Variants in CYP46A1 observed in about 807,000 individuals in gnomAD.
CYP46A1 encodes the protein cholesterol 24-hydroxylase.
Under a neutral mutation model 63.3 loss-of-function variants are expected in CYP46A1, and 20 were observed. That is an observed-to-expected ratio of 0.32 (90% CI 0.22 to 0.46). The LOEUF (loss-of-function observed/expected upper bound fraction) is 0.46. Ranked by LOEUF, CYP46A1 falls within the 20% of genes least tolerant of loss-of-function variation. The pLI, the probability that CYP46A1 is intolerant of heterozygous loss-of-function variation, is 1.00. For missense variants in CYP46A1, 445 were observed against 670.8 expected (o/e 0.66, Z 3.72); for synonymous variants, 268 against 273.6 (o/e 0.98, Z 0.20).
intron 12 of CYP46A1, among the ~76,000 whole-genome samples, chr14:99,723,886 T>C (rs924521210): frequency 1.3e-5 from 2 of 152,182 alleles, no homozygotes; most frequent in Non-Finnish European, 2.9e-5. Context: ...GACCTTTCTG[T>C]ATTGACTTGC....
At chr14:99,684,605 C>A in intron 1 of CYP46A1, 69 bp downstream of exon 1, 1 of 1,340,286 alleles carries the variant, frequency 7.5e-7, no homozygotes, top group Non-Finnish European at 1.0e-6. Context: ...GCGTCTAAGC[C>A]GGCGTCCAGG....
In CYP46A1 at chr14:99,721,414, C is replaced by T. The variant is rs2056845392; in HGVS notation, c.1065+91C>T. 3 of 940,254 alleles carry T rather than the reference C, an allele frequency of 3.2e-6. No individual in the cohort carries two copies. In the South Asian group the frequency reaches 4.1e-5, roughly 13 times the overall value. The allele number at this position is 940,254 out of a possible 1,614,324, so 58.2% of individuals were successfully genotyped here. ...CCCTGGACCTTTCAGGACAGTGGTT[C>T]TCAAACTTTGCTGCATAGGGTCCTC... On this transcript the variant is annotated intron_variant, in intron 11 of 14. Transcript: ENST00000261835.
Position 99,726,266 on chromosome 14 carries a change from G to T in CYP46A1, c.1332+10G>T. The stretch of plus-strand genomic sequence containing the variant: ...GCAGCAGTTTGCTCAGGTAGGAGGG[G>T]CAGGGCTGTGGTTCTGCCCAGGAGT... On this transcript the variant is annotated intron_variant, in intron 14 of 14. Coordinates refer to ENST00000261835, the MANE Select transcript of CYP46A1 (RefSeq NM_006668.2). The T allele has an allele frequency of 1.2e-6, 2 of 1,612,620 alleles. No homozygotes were observed. The highest frequency in any genetic ancestry group is 1.7e-6 in the Non-Finnish European group (2 of 1,179,728).
At chr14:99,706,616 G>A (rs1308086405) in intron 5 of CYP46A1, 31 bp from the exon 6 acceptor site, 1 of 1,611,966 alleles carries the variant, frequency 6.2e-7, no homozygotes. Flanking sequence ...GGGCTGGCCA[G>A]TGGCCGTTGA....
In CYP46A1 at chr14:99,726,210, C is replaced by T; in HGVS notation, c.1286C>T (p.Pro429Leu). 6.2e-7 allele frequency: 1 copy of T among 1,614,026 alleles called. No homozygotes were observed. Among genetic ancestry groups the T allele is most frequent in the Non-Finnish European group, 8.5e-7 (1 of 1,179,992 alleles). Residue 429 changes from proline to leucine, a missense_variant, in exon 14 of 15, where the codon CCC (proline) becomes CTC (leucine). Around this residue, in one of 4 missense-constraint regions of CYP46A1, gnomAD observed 95 missense variants for 156.9 expected, o/e 0.61. Transcript: ENST00000261835. ...GAPKPRFTYFPFSLGHRSCIG... is the reference protein window; with the variant it reads ...GAPKPRFTYFLFSLGHRSCIG... Reference sequence around the variant, plus strand: ...TGCAGGCCACGGTTCACCTACTTCCCCTTCTCCCTGGGCCACCGCTCCTGC... The same window carrying T: ...TGCAGGCCACGGTTCACCTACTTCCTCTTCTCCCTGGGCCACCGCTCCTGC...
chr14:99,686,102 T>C (rs746260617), intron 1 of CYP46A1, among the ~76,000 whole-genome samples: 4 of 152,192 alleles, frequency 2.6e-5, no homozygotes, highest in Non-Finnish European at 5.9e-5. Flanking sequence ...AGCAGCACAT[T>C]GTACATGCAT....
At chr14:99,711,066 C>T (rs575323133) in intron 7 of CYP46A1, 1 of 151,778 alleles carries the variant, frequency 6.6e-6, no homozygotes, top group Non-Finnish European at 1.5e-5. Context: ...ACCACTGGGT[C>T]AATGAAGAAA....
chr14:99,691,958 A>G (rs1595184829), intron 3 of CYP46A1, 97 bp downstream of exon 3: 1 of 1,258,712 alleles, frequency 7.9e-7, no homozygotes, highest in East Asian at 2.3e-5. Flanking sequence ...AATGTTCCAG[A>G]GCCAGGCGCA....
chr14:99,722,128 T>C lies in CYP46A1; in HGVS notation c.1176+62T>C, dbSNP rs2056853417. ...GCTGCTTGCCCCAATGGTGGTGAAT[T>C]TGGGACTCACCAGGGGAGCCTGTGG... is the stretch of plus-strand genomic sequence containing the variant. On this transcript the variant is annotated intron_variant, in intron 12 of 14. Coordinates refer to ENST00000261835, the MANE Select transcript of CYP46A1 (RefSeq NM_006668.2). The surrounding 1 kb of genome is among the most constrained non-coding windows in gnomAD (Gnocchi z 4.6). The C allele has an allele frequency of 1.0e-5, 13 of 1,296,788 alleles. No individual in the cohort carries two copies. Among genetic ancestry groups the C allele is most frequent in the Non-Finnish European group, 1.3e-5 (12 of 909,994 alleles). 80.3% of individuals were successfully genotyped at this position (1,296,788 alleles called of 1,614,324 possible).
intron 13 of CYP46A1, 26 bp from the exon 14 acceptor site, chr14:99,726,164 C>T (rs1211181619): frequency 6.2e-7 from 1 of 1,609,532 alleles, no homozygotes; most frequent in African/African-American, 1.3e-5. Flanking sequence ...GGCTGCTGGC[C>T]TCGTGATTCC....
At chr14:99,717,313 G>A (rs2056799279) in intron 9 of CYP46A1, among the ~76,000 whole-genome samples, 1 of 152,122 alleles carries the variant, frequency 6.6e-6, no homozygotes, top group South Asian at 2.1e-4. Context: ...TGGGGGACTG[G>A]CCGAGGGCAC....
chr14:99,721,761 CCTT>C (rs1288292346), intron 11 of CYP46A1, among the ~76,000 whole-genome samples, 192 bp from the exon 12 acceptor site: 1 of 152,104 alleles, frequency 6.6e-6, no homozygotes, highest in African/African-American at 2.4e-5. Flanking sequence ...ACTCCCTTCT[CCTT>C]CTGGACCTCA....
intron 5 of CYP46A1, 106 bp downstream of exon 5, chr14:99,700,207 C>T: frequency 1.4e-6 from 1 of 720,374 alleles, no homozygotes; most frequent in Non-Finnish European, 2.2e-6. Flanking sequence ...AAGGGGGCCT[C>T]CCTCAGCTGA....
intron 9 of CYP46A1, among the ~76,000 whole-genome samples, chr14:99,716,461 C>T (rs2056791542): frequency 6.6e-6 from 1 of 152,226 alleles, no homozygotes. Flanking sequence ...TGAATGCAGG[C>T]ATCCCCTCAC....
intron 9 of CYP46A1, chr14:99,717,595 G>C (rs912804028): frequency 1.9e-5 from 3 of 156,138 alleles, no homozygotes; most frequent in African/African-American, 7.2e-5. Context: ...GGCTCCTTTA[G>C]AGTAAACTCA....
intron 3 of CYP46A1, among the ~76,000 whole-genome samples, chr14:99,697,306 C>T (rs1272108617): frequency 5.3e-5 from 8 of 151,428 alleles, no homozygotes; most frequent in Admixed American, 3.9e-4. Context: ...CTTTGTTCTG[C>T]TCTTTCTATG....
At chr14:99,695,540 C>T (rs186608965) in intron 3 of CYP46A1, 8 of 264,106 alleles carry the variant, frequency 3.0e-5, no homozygotes, top group African/African-American at 4.6e-5. Context: ...TAGAAATGTT[C>T]ATCTTTATTC....
chr14:99,719,566 C>T (rs1195705188), intron 10 of CYP46A1, among the ~76,000 whole-genome samples: 8 of 151,748 alleles, frequency 5.3e-5, no homozygotes, highest in African/African-American at 1.5e-4. Context: ...AAAATCTGTC[C>T]GTTCTCGCCT....
intron 2 of CYP46A1, chr14:99,691,477 T>C (rs1037484454): frequency 1.7e-6 from 1 of 571,748 alleles, no homozygotes; most frequent in Non-Finnish European, 3.1e-6. Flanking sequence ...TTTTTCAAAG[T>C]ACTTTCAAAG....
Sources: allele counts gnomAD v4.1 joint callset (sites outside exome capture counted in the v4.1 genomes callset), GRCh38; gene constraint gnomAD v4.1.1; regional missense constraint gnomAD v4.1.1; non-coding constraint Gnocchi (gnomAD v3.1); transcripts MANE v1.5; gene names NCBI Gene and HGNC (gene_info 2026-07-23, HGNC 2026-07-21).